Variants in HS6ST3 observed in about 807,000 individuals in gnomAD.
HS6ST3 encodes the protein heparan-sulfate 6-O-sulfotransferase 3.
A neutral mutation model predicts 36.7 loss-of-function variants in HS6ST3; 12 were observed. That is an observed-to-expected ratio of 0.33 (90% CI 0.21 to 0.53). The LOEUF is 0.53. HS6ST3 is among the 20% of genes least tolerant of loss of function. HS6ST3 has a pLI of 0.95. For synonymous variants in HS6ST3, 240 were observed against 257.5 expected, an observed-to-expected ratio of 0.93 and a Z score of 0.65; for missense variants, 584 against 640.9, an observed-to-expected ratio of 0.91 and a Z score of 0.96.
At chr13:96,385,094 G>A (rs1430137931) in intron 1 of HS6ST3, among the ~76,000 whole-genome samples, 5 of 149,708 alleles carry the variant, frequency 3.3e-5, no homozygotes, top group Admixed American at 2.7e-4. Flanking sequence ...CAAGAGAATC[G>A]CTTGAACCCA....
At position 96,091,354 on chromosome 13, in the gene HS6ST3, C is replaced by G; in HGVS notation, c.492C>G (p.His164Gln). The change falls in exon 1 of 2, where the codon CAC becomes CAG. Residue 164 changes from histidine to glutamine, a missense_variant. By Grantham distance (24) the His-to-Gln change is conservative (BLOSUM62 0). Around this residue, in one of 3 missense-constraint regions of HS6ST3, gnomAD observed 360 missense variants for 411.3 expected, o/e 0.88. Transcript: ENST00000376705. ...CGGGGGGCACCACTTTCGGCCGGCACCTGGTGAAGAACATCCGGCTGGAGC... is the reference window on the plus strand; with the variant it reads ...CGGGGGGCACCACTTTCGGCCGGCAGCTGGTGAAGAACATCCGGCTGGAGC... ...QKTGGTTFGR[H>Q]LVKNIRLEQP... 1 of 1,614,104 alleles carries G rather than the reference C, an allele frequency of 6.2e-7. No individual in the cohort carries two copies. Among genetic ancestry groups the G allele is most frequent in the Non-Finnish European group, 8.5e-7 (1 of 1,180,000 alleles).
chr13:96,513,032 G>T (rs569648400), intron 1 of HS6ST3, among the ~76,000 whole-genome samples: 8 of 151,884 alleles, frequency 5.3e-5, no homozygotes, highest in African/African-American at 1.9e-4. Flanking sequence ...TACACCAATT[G>T]GATGATTCTA....
intron 1 of HS6ST3, among the ~76,000 whole-genome samples, chr13:96,711,640 A>G (rs1338297685): frequency 1.3e-5 from 2 of 152,182 alleles, no homozygotes; most frequent in Admixed American, 6.5e-5. Context: ...CCTAGCTTCT[A>G]AGGATGTCTC....
At chr13:96,323,201 A>G (rs938921254) in intron 1 of HS6ST3, among the ~76,000 whole-genome samples, 5 of 152,186 alleles carry the variant, frequency 3.3e-5, no homozygotes, top group Admixed American at 2.6e-4. Flanking sequence ...TAGATATCTG[A>G]TAGATTATCT....
chr13:96,104,183 G>A (rs2053830583), intron 1 of HS6ST3, among the ~76,000 whole-genome samples: 1 of 152,144 alleles, frequency 6.6e-6, no homozygotes, highest in Non-Finnish European at 1.5e-5. Context: ...TGGTTTTGCA[G>A]TTAATTACAA....
At chr13:96,378,383 G>A (rs1164623381) in intron 1 of HS6ST3, among the ~76,000 whole-genome samples, 1 of 152,134 alleles carries the variant, frequency 6.6e-6, no homozygotes, top group African/African-American at 2.4e-5. Context: ...CCTGAGGCTT[G>A]TAGAGGGCCT....
intron 1 of HS6ST3, among the ~76,000 whole-genome samples, chr13:96,413,433 A>G (rs563738904): frequency 1.3e-3 from 198 of 152,342 alleles, no homozygotes; most frequent in African/African-American, 4.5e-3. Flanking sequence ...TTCAGTAAAC[A>G]TATGGTCAGA....
chr13:96,733,552 T>C (rs767052637), intron 1 of HS6ST3, among the ~76,000 whole-genome samples: 1 of 152,194 alleles, frequency 6.6e-6, no homozygotes, highest in Non-Finnish European at 1.5e-5. Context: ...TTATAGATAA[T>C]AAAAGCAATC....
At chr13:96,254,509 A>C (rs2054627494) in intron 1 of HS6ST3, among the ~76,000 whole-genome samples, 1 of 31,842 alleles carries the variant, frequency 3.1e-5, no homozygotes, top group Non-Finnish European at 8.5e-5. Flanking sequence ...ACACATACAT[A>C]CACACACACA....
chr13:96,762,202 G>A (rs1041443514), intron 1 of HS6ST3, among the ~76,000 whole-genome samples: 2 of 152,284 alleles, frequency 1.3e-5, no homozygotes, highest in East Asian at 1.9e-4. Context: ...TATTGGCTGC[G>A]CATGGTGGCT....
At chr13:96,203,198 A>G (rs954566228) in intron 1 of HS6ST3, among the ~76,000 whole-genome samples, 2 of 152,168 alleles carry the variant, frequency 1.3e-5, no homozygotes, top group Non-Finnish European at 2.9e-5. Flanking sequence ...AGGGTGGCTT[A>G]TAAGCAGCAG....
intron 1 of HS6ST3, among the ~76,000 whole-genome samples, chr13:96,704,800 T>C (rs989827083): frequency 2.6e-5 from 4 of 152,146 alleles, no homozygotes; most frequent in Non-Finnish European, 5.9e-5. Flanking sequence ...CGCACAACTA[T>C]AATACGTAGG....
chr13:96,416,577 C>G, intron 1 of HS6ST3, among the ~76,000 whole-genome samples: 1 of 151,552 alleles, frequency 6.6e-6, no homozygotes, highest in East Asian at 1.9e-4. Flanking sequence ...CGACTGAACT[C>G]AATAAATTGA....
chr13:96,623,861 C>T (rs9513166), intron 1 of HS6ST3, among the ~76,000 whole-genome samples: 256 of 152,228 alleles, frequency 1.7e-3, no homozygotes, highest in African/African-American at 5.9e-3. Context: ...TTGCATTACA[C>T]ATACTTTAAT....
intron 1 of HS6ST3, among the ~76,000 whole-genome samples, chr13:96,210,584 CTT>C (rs201409959): frequency 3.5e-5 from 5 of 144,846 alleles, no homozygotes; most frequent in Middle Eastern, 3.6e-3. Flanking sequence ...TCATTTCTTT[CTT>C]TTTTTTTTTT....
intron 1 of HS6ST3, among the ~76,000 whole-genome samples, chr13:96,121,225 A>G (rs1566887196): frequency 6.6e-6 from 1 of 152,182 alleles, no homozygotes; most frequent in Non-Finnish European, 1.5e-5. Flanking sequence ...TGAGTTACTG[A>G]TTTACTAATA....
At chr13:96,321,068 T>C (rs1477215230) in intron 1 of HS6ST3, among the ~76,000 whole-genome samples, 2 of 152,150 alleles carry the variant, frequency 1.3e-5, no homozygotes, top group African/African-American at 4.8e-5. Context: ...CTCCTGATTA[T>C]GATGAATAAT....
chr13:96,590,532 ATTATTAGATT>A (rs1377031284), intron 1 of HS6ST3, among the ~76,000 whole-genome samples: 2 of 151,044 alleles, frequency 1.3e-5, no homozygotes, highest in Admixed American at 6.6e-5. Context: ...TTTAAATTGG[ATTATTAGATT>A]TTTTTTCTTG....
chr13:96,654,257 G>C (rs555090883), intron 1 of HS6ST3, among the ~76,000 whole-genome samples: 1 of 152,022 alleles, frequency 6.6e-6, no homozygotes, highest in Admixed American at 6.6e-5. Flanking sequence ...CATTGCTTTT[G>C]GTGTTTTAGT....
Sources: gnomAD v4.1 joint callset for allele counts (sites outside exome capture counted in the v4.1 genomes callset) on GRCh38, gnomAD v4.1.1 for gene constraint, gnomAD v4.1.1 regional missense constraint, MANE v1.5 for transcripts, NCBI Gene and HGNC (gene_info 2026-07-23, HGNC 2026-07-21) for gene names.